Variants in CSMD1 observed in about 807,000 individuals in gnomAD.
CSMD1 encodes the protein CUB and Sushi multiple domains 1.
In CSMD1, 213 loss-of-function variants were observed where a neutral mutation model predicts 417.5. That is an observed-to-expected ratio of 0.51 (90% CI 0.46 to 0.57). The LOEUF (loss-of-function observed/expected upper bound fraction) is 0.57, where lower values mean the gene tolerates loss of function less well. Ranked by LOEUF, CSMD1 falls within the 20% of genes least tolerant of loss-of-function variation. The pLI is 0.00. For synonymous variants in CSMD1, 2,862 were observed against 1,736.8 expected (o/e 1.65, Z -16.11); for missense variants, 6,923 against 4,529.7 (o/e 1.53, Z -15.17).
At chr8:4,349,788 C>G (rs1800980882) in intron 3 of CSMD1, among the ~76,000 whole-genome samples, 2 of 149,822 alleles carry the variant, frequency 1.3e-5, no homozygotes, top group African/African-American at 2.5e-5. Flanking sequence ...ATTTATTTGT[C>G]TCAATTGCTT....
At chr8:4,192,997 C>T (rs970739331) in intron 3 of CSMD1, among the ~76,000 whole-genome samples, 1 of 152,202 alleles carries the variant, frequency 6.6e-6, no homozygotes, top group African/African-American at 2.4e-5. Context: ...CAAATGCAAT[C>T]ATATCTTTGT....
intron 7 of CSMD1, among the ~76,000 whole-genome samples, chr8:3,619,840 G>C (rs1016727510): frequency 6.6e-6 from 1 of 152,202 alleles, no homozygotes; most frequent in African/African-American, 2.4e-5. Context: ...AATAGAATTT[G>C]TATTTAATTC....
chr8:4,899,396 G>C (rs1420671364), intron 1 of CSMD1, among the ~76,000 whole-genome samples: 1 of 152,098 alleles, frequency 6.6e-6, no homozygotes, highest in African/African-American at 2.4e-5. Context: ...TTATTTGGAA[G>C]GATATAAACA....
At chr8:4,900,438 C>A (rs1303353090) in intron 1 of CSMD1, among the ~76,000 whole-genome samples, 3 of 152,156 alleles carry the variant, frequency 2.0e-5, no homozygotes, top group Admixed American at 2.0e-4. Context: ...ATGCAGCCTC[C>A]TAAATAACAT....
intron 50 of CSMD1, among the ~76,000 whole-genome samples, chr8:3,051,821 G>C (rs1811837809): frequency 6.6e-6 from 1 of 152,154 alleles, no homozygotes; most frequent in African/African-American, 2.4e-5. Context: ...GTGTGTATGT[G>C]AGTGGAACTA....
At chr8:3,766,363 G>C (rs1344496686) in intron 5 of CSMD1, among the ~76,000 whole-genome samples, 3 of 152,174 alleles carry the variant, frequency 2.0e-5, no homozygotes, top group Non-Finnish European at 4.4e-5. Flanking sequence ...ATCCAAGTCA[G>C]TGACCTGGAA....
At chr8:4,168,524 G>A (rs778938698) in intron 3 of CSMD1, among the ~76,000 whole-genome samples, 5 of 152,040 alleles carry the variant, frequency 3.3e-5, no homozygotes, top group Admixed American at 6.6e-5. Context: ...ATTAAAATAA[G>A]TTACAGACAC....
At chr8:3,280,304 C>T (rs557923145) in intron 26 of CSMD1, among the ~76,000 whole-genome samples, 2 of 152,314 alleles carry the variant, frequency 1.3e-5, no homozygotes, top group East Asian at 1.9e-4. Flanking sequence ...GATACTCTAT[C>T]CTCATTTCAT....
At chr8:3,835,175 C>G (rs547060639) in intron 5 of CSMD1, among the ~76,000 whole-genome samples, 37 of 148,504 alleles carry the variant, frequency 2.5e-4, no homozygotes, top group African/African-American at 8.7e-4. Context: ...CCTCAGGGAT[C>G]TAGAACTAGA....
chr8:4,619,788 A>G (rs909990799), intron 2 of CSMD1, among the ~76,000 whole-genome samples: 3 of 152,130 alleles, frequency 2.0e-5, no homozygotes, highest in Admixed American at 1.3e-4. Flanking sequence ...CAATTTTGGT[A>G]TTCATATCAC....
chr8:4,064,846 T>G (rs984370837), intron 3 of CSMD1, among the ~76,000 whole-genome samples: 1 of 152,156 alleles, frequency 6.6e-6, no homozygotes, highest in African/African-American at 2.4e-5. Context: ...TAATGTGATG[T>G]AAGTGTACTG....
chr8:3,759,972 C>T (rs1451896249), intron 5 of CSMD1, among the ~76,000 whole-genome samples: 1 of 151,378 alleles, frequency 6.6e-6, no homozygotes, highest in Non-Finnish European at 1.5e-5. Context: ...TGTCTTCCCG[C>T]ATTAATTCAG....
At chr8:4,873,574 A>G (rs1802861827) in intron 1 of CSMD1, among the ~76,000 whole-genome samples, 1 of 152,154 alleles carries the variant, frequency 6.6e-6, no homozygotes, top group African/African-American at 2.4e-5. Context: ...AGTTGCTGAC[A>G]AGAAACAATT....
intron 3 of CSMD1, among the ~76,000 whole-genome samples, chr8:4,352,795 G>T (rs1446221689): frequency 6.6e-6 from 1 of 152,228 alleles, no homozygotes; most frequent in Non-Finnish European, 1.5e-5. Flanking sequence ...TGTGGACATG[G>T]CTGTTGCCGT....
intron 9 of CSMD1, among the ~76,000 whole-genome samples, chr8:3,580,093 G>C (rs907256338): frequency 6.6e-6 from 1 of 151,842 alleles, no homozygotes; most frequent in African/African-American, 2.4e-5. Context: ...GACAGAGGGA[G>C]ACTCTGTCTC....
chr8:3,984,137 C>A (rs1431612092), intron 5 of CSMD1, among the ~76,000 whole-genome samples: 1 of 152,110 alleles, frequency 6.6e-6, no homozygotes, highest in Non-Finnish European at 1.5e-5. Flanking sequence ...TCTGATGGGG[C>A]TGTCAATTGC....
At chr8:4,171,339 G>C (rs926930609) in intron 3 of CSMD1, among the ~76,000 whole-genome samples, 2 of 151,810 alleles carry the variant, frequency 1.3e-5, no homozygotes, top group African/African-American at 4.9e-5. Context: ...TACAGTTGTG[G>C]AAACAACTCC....
At chr8:4,599,024 A>T (rs1800436925) in intron 2 of CSMD1, among the ~76,000 whole-genome samples, 1 of 152,238 alleles carries the variant, frequency 6.6e-6, no homozygotes, top group Non-Finnish European at 1.5e-5. Flanking sequence ...TTAAAAATGT[A>T]TTAAACTCTT....
In CSMD1 at chr8:3,741,714, G is replaced by C. The variant is rs148761119; in HGVS notation, c.931+12216C>G. ...ACTACACAAAATTTCTCCTCTCTGA[G>C]TGCGCATTCTTACTGAGAAAGAAGA... is the stretch of plus-strand genomic sequence containing the variant. On this transcript the variant is annotated intron_variant, in intron 6 of 69. Coordinates refer to ENST00000635120, the MANE Select transcript of CSMD1 (RefSeq NM_033225.6). Among the ~76,000 whole-genome samples, 326 of 152,148 alleles carry C rather than the reference G, an allele frequency of 2.1e-3. 2 individuals are homozygous for C. The highest frequency in any genetic ancestry group is 7.5e-3 in the African/African-American group (311 of 41,552).
Sources: gnomAD v4.1 joint callset for allele counts (sites outside exome capture counted in the v4.1 genomes callset) on GRCh38, gnomAD v4.1.1 for gene constraint, MANE v1.5 for transcripts, NCBI Gene and HGNC (gene_info 2026-07-23, HGNC 2026-07-21) for gene names.